The following SLC14A2 variants were observed in gnomAD, a reference collection of about 807,000 sequenced individuals.
The protein encoded by SLC14A2 is urea transporter 2.
In SLC14A2, 91 loss-of-function variants were observed where a neutral mutation model predicts 104.6. The ratio of observed to expected loss-of-function variants is 0.87; its 90% CI spans 0.73 to 1.04. The LOEUF (loss-of-function observed/expected upper bound fraction) is 1.04, where lower values mean the gene tolerates loss of function less well. Among genes scored for constraint, SLC14A2 ranks in the 50% least tolerant of loss-of-function variants. The pLI, the probability that SLC14A2 is intolerant of heterozygous loss-of-function variation, is 0.00. For missense variants in SLC14A2, 1,189 were observed against 1,156.0 expected (o/e 1.03, Z -0.41); for synonymous variants, 476 against 466.4 (o/e 1.02, Z -0.27).
At chr18:45,397,686 A>AT (rs2086050598) in intron 1 of SLC14A2, among the ~76,000 whole-genome samples, 1 of 152,042 alleles carries the variant, frequency 6.6e-6, no homozygotes, top group Non-Finnish European at 1.5e-5. Flanking sequence ...CCTCTTGTCA[A>AT]TTTTTGCTTT....
At chr18:45,222,695 ATC>A (rs1568107691) in intron 1 of SLC14A2, among the ~76,000 whole-genome samples, 1 of 152,078 alleles carries the variant, frequency 6.6e-6, no homozygotes, top group Non-Finnish European at 1.5e-5. Context: ...TCTGCAAAAG[ATC>A]ACCAACTACC....
intron 1 of SLC14A2, among the ~76,000 whole-genome samples, chr18:45,616,756 T>A (rs905135888): frequency 6.6e-6 from 1 of 152,210 alleles, no homozygotes; most frequent in African/African-American, 2.4e-5. Context: ...ATTCATGGGA[T>A]GAGAGGGCTC....
At chr18:45,182,734 T>C in the SLC14A2 span, among the ~76,000 whole-genome samples, 5 of 152,154 alleles carry the variant, frequency 3.3e-5, no homozygotes, top group South Asian at 2.1e-4. Context: ...AAATGTGCTA[T>C]AGTTTCATTA....
chr18:45,445,876 A>C (rs933369383), intron 1 of SLC14A2, among the ~76,000 whole-genome samples: 2 of 152,190 alleles, frequency 1.3e-5, no homozygotes, highest in Non-Finnish European at 2.9e-5. Context: ...ATGCCTAGAG[A>C]AGCCACATTA....
At chr18:45,645,363 G>A (rs2045601583) in intron 10 of SLC14A2, among the ~76,000 whole-genome samples, 1 of 151,692 alleles carries the variant, frequency 6.6e-6, no homozygotes, top group Non-Finnish European at 1.5e-5. Context: ...CCTAGTAATG[G>A]GATTGCTGGG....
chr18:45,273,593 A>G (rs1326467535), intron 1 of SLC14A2, among the ~76,000 whole-genome samples: 2 of 152,114 alleles, frequency 1.3e-5, no homozygotes, highest in African/African-American at 4.8e-5. Flanking sequence ...GTATTTGTGG[A>G]AAGGAGTGGC....
chr18:45,508,094 C>T (rs1005162130), intron 2 of SLC14A2, among the ~76,000 whole-genome samples: 2 of 152,226 alleles, frequency 1.3e-5, no homozygotes, highest in African/African-American at 4.8e-5. Flanking sequence ...ACATGCTCAA[C>T]AGAGGCATCT....
intron 1 of SLC14A2, among the ~76,000 whole-genome samples, chr18:45,273,273 G>C (rs79480630): frequency 1.7e-4 from 26 of 152,236 alleles, no homozygotes; most frequent in African/African-American, 5.5e-4. Context: ...GCAGTAAAGA[G>C]AGAATAATTT....
intron 2 of SLC14A2, among the ~76,000 whole-genome samples, chr18:45,547,395 A>G (rs555472728): frequency 6.6e-6 from 1 of 152,110 alleles, no homozygotes; most frequent in African/African-American, 2.4e-5. Flanking sequence ...AGTCTGTCTT[A>G]CCCTGCAGCA....
intron 1 of SLC14A2, among the ~76,000 whole-genome samples, chr18:45,313,381 C>T (rs543327032): frequency 1.2e-4 from 19 of 152,278 alleles, no homozygotes; most frequent in African/African-American, 4.6e-4. Context: ...CAAGAGAAGT[C>T]ATTTGCTCAG....
chr18:45,547,404 C>T (rs573630764), intron 2 of SLC14A2, among the ~76,000 whole-genome samples: 1 of 152,292 alleles, frequency 6.6e-6, no homozygotes, highest in African/African-American at 2.4e-5. Context: ...TACCCTGCAG[C>T]AGTTCCTCCT....
chr18:45,222,227 C>G (rs552993274), intron 1 of SLC14A2, among the ~76,000 whole-genome samples: 1 of 152,186 alleles, frequency 6.6e-6, no homozygotes, highest in South Asian at 2.1e-4. Context: ...TAGGATCCTG[C>G]CAGGTCAATT....
intron 1 of SLC14A2, among the ~76,000 whole-genome samples, chr18:45,351,704 A>G (rs1303048030): frequency 1.3e-5 from 2 of 152,198 alleles, no homozygotes; most frequent in Non-Finnish European, 2.9e-5. Flanking sequence ...CCAGCCAATT[A>G]CTGGGTTTGA....
At chr18:45,487,565 G>A (rs2144717441) in intron 2 of SLC14A2, among the ~76,000 whole-genome samples, 1 of 152,248 alleles carries the variant, frequency 6.6e-6, no homozygotes, top group South Asian at 2.1e-4. Flanking sequence ...AAATAGTTGT[G>A]GATACCTGTT....
At position 45,668,501 on chromosome 18, in the gene SLC14A2, T is replaced by TG. The variant is rs199963027; in HGVS notation, c.2036+27dup. 1,197 of 1,613,898 alleles carry TG rather than the reference T, an allele frequency of 7.4e-4. 2 individuals are homozygous for TG. In the African/African-American group the frequency reaches 9.9e-3, roughly 13 times the overall value. On this transcript the variant is annotated intron_variant, in intron 15 of 19. Transcript: ENST00000255226. ...TGGTAAGTTTGCTTTTGAAGGGTTG[T>TG]GGGTTCATATCAATGGCCACCAACC...
chr18:45,408,143 G>A (rs529857976), intron 1 of SLC14A2, among the ~76,000 whole-genome samples: 18 of 152,218 alleles, frequency 1.2e-4, no homozygotes, highest in East Asian at 9.6e-4. Flanking sequence ...AAATCGGGCC[G>A]CCTTTCTTTG....
intron 2 of SLC14A2, among the ~76,000 whole-genome samples, chr18:45,521,411 G>C (rs2043515126): frequency 1.3e-5 from 2 of 152,142 alleles, no homozygotes; most frequent in Non-Finnish European, 2.9e-5. Context: ...ACACAAGACA[G>C]ACACTCAGTA....
intron 1 of SLC14A2, among the ~76,000 whole-genome samples, chr18:45,339,381 C>T (rs565057453): frequency 1.3e-5 from 2 of 152,280 alleles, no homozygotes; most frequent in African/African-American, 4.8e-5. Context: ...ATTAACAAAG[C>T]CACTGGTCAT....
chr18:45,348,369 G>A (rs575667728), intron 1 of SLC14A2, among the ~76,000 whole-genome samples: 1 of 152,274 alleles, frequency 6.6e-6, no homozygotes, highest in African/African-American at 2.4e-5. Flanking sequence ...CTTGGACCAG[G>A]TGACAAGGGG....
Sources: allele counts gnomAD v4.1 joint callset (sites outside exome capture counted in the v4.1 genomes callset), GRCh38; gene constraint gnomAD v4.1.1; transcripts MANE v1.5; gene names NCBI Gene and HGNC (gene_info 2026-07-23, HGNC 2026-07-21).